Variants in LRP1B observed in about 807,000 individuals in gnomAD.
The protein encoded by LRP1B is low-density lipoprotein receptor-related protein 1B.
In LRP1B, 217 loss-of-function variants were observed where a neutral mutation model predicts 556.6. The observed-to-expected ratio is 0.39, with a 90% CI of 0.35 to 0.44. The LOEUF (loss-of-function observed/expected upper bound fraction) is 0.44. LRP1B is among the 20% of genes least tolerant of loss of function. The pLI is 1.00. For missense variants in LRP1B, 5,053 were observed against 5,620.8 expected (o/e 0.90, Z 3.23); for synonymous variants, 2,047 against 1,865.8 (o/e 1.10, Z -2.50).
chr2:140,314,619 T>C (rs1684442075), intron 83 of LRP1B, among the ~76,000 whole-genome samples: 1 of 152,036 alleles, frequency 6.6e-6, no homozygotes, highest in African/African-American at 2.4e-5. Context: ...AAACAAAACA[T>C]AAACTTTGGG....
At chr2:141,853,693 GA>G (rs1343888089) in intron 1 of LRP1B, among the ~76,000 whole-genome samples, 2 of 151,328 alleles carry the variant, frequency 1.3e-5, no homozygotes, top group Non-Finnish European at 3.0e-5. Flanking sequence ...CAAATGAACT[GA>G]TAAAAAAAAT....
intron 2 of LRP1B, among the ~76,000 whole-genome samples, chr2:141,652,206 G>A (rs1334098990): frequency 2.0e-5 from 3 of 152,020 alleles, no homozygotes; most frequent in Non-Finnish European, 1.5e-5. Flanking sequence ...TTTCTTTTAC[G>A]CTTTCTCATT....
intron 77 of LRP1B, among the ~76,000 whole-genome samples, chr2:140,342,211 C>G (rs1487075552): frequency 1.3e-5 from 2 of 150,874 alleles, no homozygotes; most frequent in East Asian, 3.9e-4. Context: ...GAGAAAGATA[C>G]ATACTCACAT....
intron 7 of LRP1B, among the ~76,000 whole-genome samples, chr2:141,128,306 A>G (rs1459281950): frequency 6.6e-6 from 1 of 152,250 alleles, no homozygotes; most frequent in Non-Finnish European, 1.5e-5. Flanking sequence ...CAACAACAAC[A>G]AAAGGTTTTG....
intron 37 of LRP1B, among the ~76,000 whole-genome samples, chr2:140,709,776 G>T (rs1686968369): frequency 6.6e-6 from 1 of 151,952 alleles, no homozygotes; most frequent in Admixed American, 6.6e-5. Flanking sequence ...TTATTCCTAT[G>T]ATATAAATTT....
chr2:141,197,422 T>G (rs1249443), intron 6 of LRP1B, among the ~76,000 whole-genome samples: 1,945 of 152,258 alleles, frequency 0.013, 35 homozygotes, highest in African/African-American at 0.044. Context: ...TATCTGCTCC[T>G]TATTGTCCGA....
At chr2:140,613,852 T>C (rs1200200495) in intron 41 of LRP1B, among the ~76,000 whole-genome samples, 1 of 152,062 alleles carries the variant, frequency 6.6e-6, no homozygotes. Flanking sequence ...TTTTTTATAG[T>C]ATTTATTCAA....
chr2:141,833,967 A>G (rs928320750), intron 1 of LRP1B, among the ~76,000 whole-genome samples: 2 of 142,834 alleles, frequency 1.4e-5, no homozygotes, highest in African/African-American at 3.0e-5. Context: ...CTTGAAGAGG[A>G]TTAGGAAAAG....
At chr2:140,644,168 C>G (rs1264444290) in intron 41 of LRP1B, among the ~76,000 whole-genome samples, 1 of 152,128 alleles carries the variant, frequency 6.6e-6, no homozygotes, top group African/African-American at 2.4e-5. Context: ...CAGCAACAGT[C>G]ACAGAACTGA....
rs1573776052 is a variant in LRP1B at position 140,314,824 on chromosome 2, T to TGAA, written c.12805+110_12805+111insTTC. 13 of 708,778 alleles carry TGAA rather than the reference T, an allele frequency of 1.8e-5. No homozygotes were observed. In the East Asian group the frequency reaches 3.7e-4, roughly 20 times the overall value. The allele number at this position is 708,778 out of a possible 1,614,324, so 43.9% of individuals were successfully genotyped here. ...ATTTTGTGTTATTATATTGTGTTAGTCTATTGTTCATTAAGATATTAGGAA... is the reference window on the plus strand; with the variant it reads ...ATTTTGTGTTATTATATTGTGTTAGTGAACTATTGTTCATTAAGATATTAGGAA... On this transcript the variant is annotated intron_variant, in intron 83 of 90. Coordinates refer to ENST00000389484, the MANE Select transcript of LRP1B (RefSeq NM_018557.3).
intron 41 of LRP1B, among the ~76,000 whole-genome samples, chr2:140,611,036 T>C (rs474084): frequency 0.091 from 13,796 of 152,216 alleles, 962 homozygotes; most frequent in African/African-American, 0.19. Context: ...TTGTTATTAT[T>C]ATTACATTGC....
intron 3 of LRP1B, among the ~76,000 whole-genome samples, chr2:141,414,662 T>C (rs976589265): frequency 6.6e-6 from 1 of 152,246 alleles, no homozygotes; most frequent in Non-Finnish European, 1.5e-5. Flanking sequence ...GGAAAACAAT[T>C]GGGAAAGTAT....
intron 1 of LRP1B, among the ~76,000 whole-genome samples, chr2:141,908,775 G>T (rs1011708911): frequency 6.6e-6 from 1 of 151,868 alleles, no homozygotes; most frequent in Non-Finnish European, 1.5e-5. Flanking sequence ...TGAAAGAGTC[G>T]TAATGATTTA....
chr2:140,775,996 G>T, intron 33 of LRP1B, 102 bp downstream of exon 33: 2 of 1,013,246 alleles, frequency 2.0e-6, no homozygotes, highest in Non-Finnish European at 2.9e-6. Flanking sequence ...GTTTTTATTA[G>T]AAGCAAGAAT....
At chr2:141,962,010 G>A (rs1701416170) in intron 1 of LRP1B, among the ~76,000 whole-genome samples, 1 of 151,704 alleles carries the variant, frequency 6.6e-6, no homozygotes, top group Admixed American at 6.6e-5. Flanking sequence ...GATTATCTTT[G>A]TTATTTTGAA....
chr2:140,573,122 T>C (rs2105111792), intron 43 of LRP1B, among the ~76,000 whole-genome samples: 1 of 151,770 alleles, frequency 6.6e-6, no homozygotes, highest in African/African-American at 2.4e-5. Context: ...TATTGAATAT[T>C]TCCAAATAGT....
chr2:140,766,395 A>G (rs1400492332), intron 35 of LRP1B, among the ~76,000 whole-genome samples: 1 of 151,948 alleles, frequency 6.6e-6, no homozygotes, highest in African/African-American at 2.4e-5. Context: ...ATCCTAATAT[A>G]TTTTCATAAA....
In LRP1B at chr2:141,550,376, T is replaced by A. The variant is rs116178441; in HGVS notation, c.206-69843A>T. ...GGAATAAGCTCTTTGTATAGATTTT[T>A]AAATTTTTCTCATTCTACAATACGT... On this transcript the variant is annotated intron_variant, in intron 2 of 90. Transcript: ENST00000389484. Among the ~76,000 whole-genome samples, 997 of 152,298 alleles carry A rather than the reference T, an allele frequency of 6.5e-3. 8 individuals carry two copies. The highest frequency in any genetic ancestry group is 0.022 in the African/African-American group (932 of 41,574).
intron 35 of LRP1B, among the ~76,000 whole-genome samples, chr2:140,720,804 T>G (rs1214598998): frequency 6.6e-6 from 1 of 152,084 alleles, no homozygotes; most frequent in Non-Finnish European, 1.5e-5. Context: ...AAATGTACAT[T>G]CTATTTCAGA....
Sources: gnomAD v4.1 joint callset for allele counts (sites outside exome capture counted in the v4.1 genomes callset) on GRCh38, gnomAD v4.1.1 for gene constraint, MANE v1.5 for transcripts, NCBI Gene and HGNC (gene_info 2026-07-23, HGNC 2026-07-21) for gene names.